EXOC6: variants seen among roughly 807,000 people sequenced by gnomAD.
EXOC6 encodes the protein SEC15-like 1.
EXOC6 carries 60 observed loss-of-function variants against 112.5 expected under a neutral mutation model. The ratio of observed to expected loss-of-function variants is 0.53; its 90% CI spans 0.43 to 0.66. The LOEUF (loss-of-function observed/expected upper bound fraction) is 0.66, where lower values mean the gene tolerates loss of function less well. Ranked by LOEUF, EXOC6 falls within the 30% of genes least tolerant of loss-of-function variation. The pLI is 0.00. For synonymous variants in EXOC6, 295 were observed against 308.0 expected, an observed-to-expected ratio of 0.96 and a Z score of 0.44; for missense variants, 855 against 957.1, an observed-to-expected ratio of 0.89 and a Z score of 1.41.
At chr10:93,018,954 C>A (rs749138218) in intron 20 of EXOC6, among the ~76,000 whole-genome samples, 1 of 151,904 alleles carries the variant, frequency 6.6e-6, no homozygotes, top group Non-Finnish European at 1.5e-5. Context: ...AAAAAAACTT[C>A]CAGGACTCTA....
intron 20 of EXOC6, among the ~76,000 whole-genome samples, chr10:93,028,417 TG>T (rs1161054414): frequency 1.3e-5 from 2 of 152,082 alleles, no homozygotes; most frequent in African/African-American, 2.4e-5. Context: ...AGCCTGAAAA[TG>T]TGATTGAGTT....
At chr10:92,964,753 AG>A (rs779495919) in intron 17 of EXOC6, among the ~76,000 whole-genome samples, 119 of 152,348 alleles carry the variant, frequency 7.8e-4, no homozygotes, top group South Asian at 1.4e-3. Context: ...AGATGTCCAA[AG>A]ATAGGGCACT....
chr10:92,847,835 C>CTTTTTTTTTTT, upstream of EXOC6, among the ~76,000 whole-genome samples: 1 of 93,680 alleles, frequency 1.1e-5, no homozygotes, highest in East Asian at 3.9e-4. Flanking sequence ...CGCCCTGGGC[C>CTTTTTTTTTTT]TTTTTTTTTT....
intron 1 of EXOC6, among the ~76,000 whole-genome samples, chr10:92,839,542 G>A (rs2246370): frequency 0.21 from 32,328 of 152,070 alleles, 4,670 homozygotes; most frequent in Non-Finnish European, 0.31. Context: ...GGTAGTAGCA[G>A]TGTTCATAAC....
chr10:92,943,902 C>T (rs960932591), intron 13 of EXOC6, among the ~76,000 whole-genome samples: 4 of 152,178 alleles, frequency 2.6e-5, no homozygotes, highest in Non-Finnish European at 4.4e-5. Context: ...ACTTTCTGAT[C>T]GCCCTACCCT....
rs145023283 is a variant in EXOC6 at position 92,923,377 on chromosome 10, A to C, written c.888+3327A>C. On this transcript the variant is annotated intron_variant, in intron 8 of 21. Transcript: ENST00000260762. Reference sequence around the variant, plus strand: ...TATTAGTTATCAATTGCTGTATAACACACTGCCTTAAAACAACAAACATTA... The same window carrying C: ...TATTAGTTATCAATTGCTGTATAACCCACTGCCTTAAAACAACAAACATTA... Among the ~76,000 whole-genome samples, 844 of 152,362 alleles carry C rather than the reference A, an allele frequency of 5.5e-3. 6 individuals are homozygous for C. The highest frequency in any genetic ancestry group is 0.017 in the African/African-American group (698 of 41,582).
chr10:93,025,372 G>A (rs970335240), intron 20 of EXOC6, among the ~76,000 whole-genome samples: 3 of 152,150 alleles, frequency 2.0e-5, no homozygotes, highest in African/African-American at 7.2e-5. Context: ...TAAAAAGAGA[G>A]TTACAAGGCT....
intron 18 of EXOC6, among the ~76,000 whole-genome samples, chr10:92,980,981 C>T (rs753369336): frequency 2.6e-5 from 4 of 152,110 alleles, no homozygotes; most frequent in South Asian, 2.1e-4. Context: ...GAGCCTAGAT[C>T]GCGCCATTGC....
rs200662165 is a variant in EXOC6, at chr10:92,922,630, C to CA, written c.888+2587dup. On this transcript the variant is annotated intron_variant, in intron 8 of 21. Transcript: ENST00000260762. ...CATGAAAGGAAAATAGGTATAATGT[C>CA]AAAAAAAGGGATTCTCTTTGGAAAA... Among the ~76,000 whole-genome samples, 1,518 of 151,902 alleles carry CA rather than the reference C, an allele frequency of 1.0e-2. 13 individuals are homozygous for CA. The highest frequency in any genetic ancestry group is 0.051 in the Middle Eastern group (15 of 294).
intron 18 of EXOC6, chr10:92,987,702 C>A: frequency 5.0e-6 from 4 of 800,624 alleles, no homozygotes; most frequent in Non-Finnish European, 6.0e-6. Context: ...TTCCTGCAGG[C>A]TTATTTTTCT....
intron 1 of EXOC6, among the ~76,000 whole-genome samples, chr10:92,871,074 G>A (rs1676909187): frequency 6.6e-6 from 1 of 152,006 alleles, no homozygotes; most frequent in Non-Finnish European, 1.5e-5. Flanking sequence ...TGGTGCTTTT[G>A]GTAGAGGAGT....
At chr10:92,845,532 A>G (rs1257818853), upstream of EXOC6, among the ~76,000 whole-genome samples, 20 of 149,134 alleles carry the variant, frequency 1.3e-4, no homozygotes, top group Non-Finnish European at 2.4e-4. Flanking sequence ...CAGCCTGGGC[A>G]ACAGAGAGAG....
rs75758205 is a variant in EXOC6 at position 92,959,511 on chromosome 10, G to A, written c.1773+3797G>A. ...CCATGATAGAAATAATTGATAAACT[G>A]AACTTCATTAAAATTTTAGACTTCT... is the stretch of plus-strand genomic sequence containing the variant. On this transcript the variant is annotated intron_variant, in intron 17 of 21. Coordinates refer to ENST00000260762, the MANE Select transcript of EXOC6 (RefSeq NM_019053.6). Among the ~76,000 whole-genome samples the A allele has an allele frequency of 3.9e-3, 587 of 152,186 alleles. 2 individuals carry two copies. The highest frequency in any genetic ancestry group is 0.014 in the African/African-American group (564 of 41,516).
chr10:92,911,702 A>C (rs1850770882), intron 6 of EXOC6, among the ~76,000 whole-genome samples: 1 of 152,106 alleles, frequency 6.6e-6, no homozygotes, highest in Admixed American at 6.6e-5. Context: ...CAGACATTTC[A>C]TACAGAAACC....
intron 8 of EXOC6, among the ~76,000 whole-genome samples, chr10:92,920,499 C>T (rs940348534): frequency 1.3e-5 from 2 of 152,184 alleles, no homozygotes; most frequent in Non-Finnish European, 2.9e-5. Context: ...ATTACCACTA[C>T]CTAATTCCAG....
intron 9 of EXOC6, among the ~76,000 whole-genome samples, chr10:92,931,269 A>C (rs1852018684): frequency 6.6e-6 from 1 of 152,006 alleles, no homozygotes; most frequent in Admixed American, 6.6e-5. Flanking sequence ...CCAATTTAAA[A>C]ATGGACAAAA....
intron 20 of EXOC6, among the ~76,000 whole-genome samples, chr10:93,016,101 C>T (rs759875443): frequency 6.6e-6 from 1 of 152,070 alleles, no homozygotes; most frequent in South Asian, 2.1e-4. Flanking sequence ...AAGTAAATGA[C>T]TATTATTTTA....
chr10:92,943,438 T>C (rs1852789386), intron 13 of EXOC6, among the ~76,000 whole-genome samples: 1 of 152,278 alleles, frequency 6.6e-6, no homozygotes, highest in East Asian at 1.9e-4. Flanking sequence ...AGAAAAATTA[T>C]CAATACTGAA....
At chr10:92,849,040 C>G (rs1847192588) in intron 1 of EXOC6, among the ~76,000 whole-genome samples, 1 of 152,204 alleles carries the variant, frequency 6.6e-6, no homozygotes, top group South Asian at 2.1e-4. Context: ...AGGCTAGGGT[C>G]GACAGCAGGC....
Sources: gnomAD v4.1 joint callset for allele counts (sites outside exome capture counted in the v4.1 genomes callset) on GRCh38, gnomAD v4.1.1 for gene constraint, MANE v1.5 for transcripts, NCBI Gene and HGNC (gene_info 2026-07-23, HGNC 2026-07-21) for gene names.